The following SP2 variants were observed in gnomAD, a reference collection of about 807,000 sequenced individuals.
The protein encoded by SP2 is transcription factor Sp2.
A neutral mutation model predicts 50.1 loss-of-function variants in SP2; 9 were observed. The observed-to-expected ratio is 0.18, with a 90% CI of 0.11 to 0.31. The LOEUF is 0.31. Among genes scored for constraint, SP2 ranks in the 10% least tolerant of loss-of-function variants. SP2 has a pLI of 1.00. For missense variants in SP2, 581 were observed against 806.5 expected, an observed-to-expected ratio of 0.72 and a Z score of 3.39; for synonymous variants, 313 against 326.6, an observed-to-expected ratio of 0.96 and a Z score of 0.45.
rs1052398791 is a variant in SP2 at position 47,928,953 on chromosome 17, T to G, written c.*1129T>G. Reference sequence around the variant, plus strand: ...AAATTTAGTTGCCTGAGGCAAAATCTTCAACTTGGCAGTTCGGCTTCCTTT... The same window carrying G: ...AAATTTAGTTGCCTGAGGCAAAATCGTCAACTTGGCAGTTCGGCTTCCTTT... On this transcript the variant is annotated 3_prime_UTR_variant, in exon 7 of 7. Coordinates refer to ENST00000376741, the MANE Select transcript of SP2 (RefSeq NM_003110.6). The G allele has an allele frequency of 1.3e-5, 2 of 152,674 alleles. No individual in the cohort carries two copies. The highest frequency in any genetic ancestry group is 4.8e-5 in the African/African-American group (2 of 41,472). 9.5% of individuals were successfully genotyped at this position (152,674 alleles called of 1,614,324 possible). A position where few individuals can be genotyped will look rare whatever the true frequency, so the allele number is the denominator to read the frequency against.
In SP2 at chr17:47,903,700, G is replaced by A. The variant is rs1481521747; in HGVS notation, c.7+7407G>A. 5.9e-5 allele frequency among the ~76,000 whole-genome samples: 9 copies of A among 151,990 alleles called. No homozygotes were observed. In the East Asian group the frequency reaches 1.3e-3, roughly 23 times the overall value. On this transcript the variant is annotated intron_variant, in intron 1 of 6. Transcript: ENST00000376741. ...AGCCATGGCCGGCGCGGTGGCTCAC[G>A]CCTGTAATCCCAGCACTTTGGGAGG... is the stretch of plus-strand genomic sequence containing the variant.
At chr17:47,913,347 G>C (rs925291461) in intron 1 of SP2, among the ~76,000 whole-genome samples, 2 of 152,046 alleles carry the variant, frequency 1.3e-5, no homozygotes, top group Non-Finnish European at 2.9e-5. Flanking sequence ...TTCCATCTCA[G>C]CCTTCCAAGC....
Position 47,916,515 on chromosome 17 carries a change from A to G in SP2, c.444A>G (p.Val148=). 6.2e-7 allele frequency: 1 copy of G among 1,614,096 alleles called. No individual in the cohort carries two copies. Among genetic ancestry groups the G allele is most frequent in the Non-Finnish European group, 8.5e-7 (1 of 1,180,004 alleles). Residue 148 remains valine, a synonymous_variant, in exon 3 of 7, where the codon GTA becomes GTG. Coordinates refer to ENST00000376741, the MANE Select transcript of SP2 (RefSeq NM_003110.6). The surrounding 1 kb of genome is among the most constrained non-coding windows in gnomAD (Gnocchi z 4.7). ...IQASNSQTIQ[V]QPNLTNQIQI... ...CAAGCAATTCCCAAACCATCCAAGT[A>G]CAGCCCAATCTCACCAACCAGATCC...
At chr17:47,902,386 C>T (rs879717620) in intron 1 of SP2, among the ~76,000 whole-genome samples, 6 of 152,064 alleles carry the variant, frequency 3.9e-5, no homozygotes, top group Admixed American at 3.3e-4. Flanking sequence ...GGCCTCTGAG[C>T]AGAGAAATAA....
At position 47,928,143 on chromosome 17, in the gene SP2, C is replaced by T. The variant is rs1373000275; in HGVS notation, c.*319C>T. On this transcript the variant is annotated 3_prime_UTR_variant, in exon 7 of 7. Coordinates refer to ENST00000376741, the MANE Select transcript of SP2 (RefSeq NM_003110.6). Reference sequence around the variant, plus strand: ...AGGAAAAACATGCATTTCACTCCGTCGAGGAGCAAAGTGAGCCCCTACCCC... The same window carrying T: ...AGGAAAAACATGCATTTCACTCCGTTGAGGAGCAAAGTGAGCCCCTACCCC... 2 of 241,794 alleles carry T rather than the reference C, an allele frequency of 8.3e-6. No individual in the cohort carries two copies. Among genetic ancestry groups the T allele is most frequent in the South Asian group, 6.5e-5 (1 of 15,446 alleles). 15.0% of individuals were successfully genotyped at this position (241,794 alleles called of 1,614,324 possible).
intron 1 of SP2, among the ~76,000 whole-genome samples, chr17:47,905,607 G>A (rs552422212): frequency 1.3e-5 from 2 of 152,250 alleles, no homozygotes; most frequent in East Asian, 3.9e-4. Flanking sequence ...AGGAACAGTC[G>A]AACAGCCTGC....
downstream of SP2, chr17:47,929,825 G>C (rs553397823): frequency 6.6e-6 from 1 of 152,618 alleles, no homozygotes; most frequent in Non-Finnish European, 1.5e-5. Context: ...ACTCACCCTC[G>C]AAAGGACACA....
chr17:47,915,851 T>A (rs1344492258), intron 2 of SP2, among the ~76,000 whole-genome samples: 2 of 152,160 alleles, frequency 1.3e-5, no homozygotes, highest in Admixed American at 1.3e-4. Flanking sequence ...TGCTTCACTG[T>A]CCTTAGAAAC....
rs775418763 is a variant in SP2 at position 47,925,519 on chromosome 17, A to G, written c.1719A>G (p.Gln573=). Residue 573 remains glutamine (Q), a synonymous_variant, in exon 6 of 7, where the codon CAA becomes CAG. Coordinates refer to ENST00000376741, the MANE Select transcript of SP2 (RefSeq NM_003110.6). The stretch of plus-strand genomic sequence containing the variant: ...GGTTCACACGGAGTGACGAGCTCCA[A>G]CGGCATGCTCGCACCCACACAGGTC... ...GKRFTRSDEL[Q]RHARTHTGDK... is the part of the protein sequence containing the mutation. 5.6e-6 allele frequency: 9 copies of G among 1,613,934 alleles called. No individual in the cohort carries two copies. The highest frequency in any genetic ancestry group is 4.0e-5 in the African/African-American group (3 of 74,920).
At chr17:47,926,674 C>T (rs902214596) in intron 6 of SP2, among the ~76,000 whole-genome samples, 3 of 152,014 alleles carry the variant, frequency 2.0e-5, no homozygotes. Flanking sequence ...CCTGTAATCC[C>T]AGCTCTTTGG....
intron 6 of SP2, 77 bp downstream of exon 6, chr17:47,925,618 CT>C: frequency 8.3e-7 from 1 of 1,203,372 alleles, no homozygotes; most frequent in Non-Finnish European, 1.2e-6. Flanking sequence ...ACTCTACCGG[CT>C]TTAGCAACAT....
intron 1 of SP2, among the ~76,000 whole-genome samples, chr17:47,902,202 C>A (rs559978425): frequency 6.6e-6 from 1 of 152,162 alleles, no homozygotes; most frequent in African/African-American, 2.4e-5. Context: ...TGCAAAGACC[C>A]TCAGCAGGGG....
chr17:47,920,413 A>G (rs966779324), intron 3 of SP2, among the ~76,000 whole-genome samples: 5 of 151,804 alleles, frequency 3.3e-5, no homozygotes, highest in Non-Finnish European at 7.4e-5. Flanking sequence ...CAGCCTCCCA[A>G]CTAGCTGAGA....
intron 3 of SP2, among the ~76,000 whole-genome samples, chr17:47,918,100 A>G (rs1469239797): frequency 6.6e-6 from 1 of 151,906 alleles, no homozygotes; most frequent in Non-Finnish European, 1.5e-5. Context: ...AGGTGCTACC[A>G]TTAAAATTGA....
At chr17:47,925,225 C>T (rs2035599554) in intron 5 of SP2, 123 bp from the exon 6 acceptor site, 5 of 1,415,234 alleles carry the variant, frequency 3.5e-6, no homozygotes, top group Admixed American at 2.0e-5. Flanking sequence ...CACCTTGCCC[C>T]CTGCCTCCTT....
chr17:47,923,122 G>A lies in SP2; in HGVS notation c.1220G>A (p.Arg407Gln), dbSNP rs773867305. 15 of 1,614,102 alleles carry A rather than the reference G, an allele frequency of 9.3e-6. No homozygotes were observed. Among genetic ancestry groups the A allele is most frequent in the African/African-American group, 4.0e-5 (3 of 74,940 alleles). ...TSKKHSAAIL[R>Q]KERPLPKIAP... ...AAAAAGCACTCAGCTGCAATTCTCC[G>A]AAAAGAGCGTCCCCTGCCAAAGATT... Residue 407 changes from arginine to glutamine, a missense_variant, in exon 4 of 7, where the codon CGA becomes CAA. Transcript: ENST00000376741.
chr17:47,914,479 G>C (rs1280729688), intron 1 of SP2, among the ~76,000 whole-genome samples: 1 of 152,192 alleles, frequency 6.6e-6, no homozygotes, highest in African/African-American at 2.4e-5. Context: ...CAGTGGAGCA[G>C]GTGTGTCCTC....
In SP2 at chr17:47,916,200, C is replaced by T. The variant is rs1220264524; in HGVS notation, c.129C>T (p.Ser43=). 6.2e-7 allele frequency: 1 copy of T among 1,613,612 alleles called. No homozygotes were observed. Among genetic ancestry groups the T allele is most frequent in the African/African-American group, 1.3e-5 (1 of 75,006 alleles). The change falls in exon 3 of 7, where the codon AGC becomes AGT. Residue 43 remains serine, a synonymous_variant. Transcript: ENST00000376741. The surrounding 1 kb of genome is among the most constrained non-coding windows in gnomAD (Gnocchi z 4.7). ...SPLALLAATC[S]KIGPPAVEAA... is the part of the protein sequence containing the mutation. ...TAGCCCTGCTTGCTGCAACATGTAG[C>T]AAAATTGGCCCTCCAGCAGTTGAAG... is the stretch of plus-strand genomic sequence containing the variant.
intron 1 of SP2, among the ~76,000 whole-genome samples, chr17:47,901,425 G>T (rs138039774): frequency 6.6e-6 from 1 of 151,594 alleles, no homozygotes; most frequent in Non-Finnish European, 1.5e-5. Context: ...GATTACAGGC[G>T]TGAGCCACCG....
Sources: allele counts gnomAD v4.1 joint callset (sites outside exome capture counted in the v4.1 genomes callset), GRCh38; gene constraint gnomAD v4.1.1; non-coding constraint Gnocchi (gnomAD v3.1); transcripts MANE v1.5; gene names NCBI Gene and HGNC (gene_info 2026-07-23, HGNC 2026-07-21).